The following PDZD2 variants were observed in gnomAD, a reference collection of about 807,000 sequenced individuals.
PDZD2 encodes PDZ domain containing 2, also known as PDZ domain-containing protein 2.
Under a neutral mutation model 220.7 loss-of-function variants are expected in PDZD2, and 90 were observed. The ratio of observed to expected loss-of-function variants is 0.41; its 90% CI spans 0.34 to 0.49. The LOEUF (loss-of-function observed/expected upper bound fraction) is 0.49. Among genes scored for constraint, PDZD2 ranks in the 20% least tolerant of loss-of-function variants. The probability of loss-of-function intolerance (pLI) is 0.28; values close to 1 mark genes in which losing one functional copy is unlikely to be tolerated. For missense variants in PDZD2, 3,174 were observed against 3,608.5 expected (o/e 0.88, Z 3.08); for synonymous variants, 1,375 against 1,450.5 (o/e 0.95, Z 1.18).
intron 1 of PDZD2, among the ~76,000 whole-genome samples, chr5:31,653,100 C>T (rs1307421569): frequency 6.6e-6 from 1 of 152,118 alleles, no homozygotes; most frequent in Non-Finnish European, 1.5e-5. Flanking sequence ...CTGGGATCTC[C>T]CGTGGCATAT....
At chr5:31,726,658 T>C (rs1749160479) in intron 1 of PDZD2, among the ~76,000 whole-genome samples, 1 of 152,118 alleles carries the variant, frequency 6.6e-6, no homozygotes, top group African/African-American at 2.4e-5. Context: ...TCTGGGAGGA[T>C]TGCAGGAGGA....
intron 19 of PDZD2, chr5:32,077,970 A>AAAG (rs1554038762): frequency 1.0e-5 from 2 of 196,580 alleles, no homozygotes; most frequent in African/African-American, 4.7e-5. Context: ...AAAAAAGAAA[A>AAAG]AAGAAAGAAA....
Position 32,109,371 on chromosome 5 carries a change from A to C in PDZD2, c.*1236A>C, listed in dbSNP as rs1022186397. 2 of 152,204 alleles carry C rather than the reference A, an allele frequency of 1.3e-5. No homozygotes were observed. The highest frequency in any genetic ancestry group is 6.5e-5 in the Admixed American group (1 of 15,280). The allele number at this position is 152,204 out of a possible 1,614,324, so 9.4% of individuals were successfully genotyped here. On this transcript the variant is annotated 3_prime_UTR_variant, in exon 25 of 25. Coordinates refer to ENST00000438447, the MANE Select transcript of PDZD2 (RefSeq NM_178140.4). Reference sequence around the variant, plus strand: ...TTTTGCCAAAAATGTTTTCCTACAGAAGACTGTCGTGACTCACGCTACTTG... The same window carrying C: ...TTTTGCCAAAAATGTTTTCCTACAGCAGACTGTCGTGACTCACGCTACTTG...
At chr5:31,802,077 T>G (rs1580785059) in intron 2 of PDZD2, among the ~76,000 whole-genome samples, 2 of 152,214 alleles carry the variant, frequency 1.3e-5, no homozygotes, top group African/African-American at 4.8e-5. Flanking sequence ...AGAACTGGAA[T>G]CTTTATTGAA....
At chr5:31,977,134 A>G (rs1230022190) in intron 2 of PDZD2, among the ~76,000 whole-genome samples, 2 of 151,674 alleles carry the variant, frequency 1.3e-5, no homozygotes, top group Non-Finnish European at 2.9e-5. Flanking sequence ...CTGAGATTGT[A>G]GGTGTCAGCC....
At chr5:32,027,571 C>A (rs938884945) in intron 6 of PDZD2, among the ~76,000 whole-genome samples, 3 of 152,188 alleles carry the variant, frequency 2.0e-5, no homozygotes, top group African/African-American at 7.2e-5. Context: ...CATCTGACAA[C>A]CTCTGATCTA....
intron 14 of PDZD2, among the ~76,000 whole-genome samples, chr5:32,068,332 A>G (rs1018570042): frequency 2.0e-5 from 3 of 152,146 alleles, no homozygotes; most frequent in African/African-American, 7.2e-5. Flanking sequence ...GCCAAAAACA[A>G]TTTTCGTAAT....
At chr5:32,029,756 T>G (rs1754979994) in intron 6 of PDZD2, among the ~76,000 whole-genome samples, 1 of 152,222 alleles carries the variant, frequency 6.6e-6, no homozygotes, top group Non-Finnish European at 1.5e-5. Context: ...AGACAGATAA[T>G]TCCATGTAAC....
At position 32,069,034 on chromosome 5, in the gene PDZD2, G is replaced by A. The variant is rs1004371245; in HGVS notation, c.2452-535G>A. 3.3e-5 allele frequency among the ~76,000 whole-genome samples: 5 copies of A among 152,082 alleles called. No individual in the cohort carries two copies. In the South Asian group the frequency reaches 6.2e-4, roughly 19 times the overall value. On this transcript the variant is annotated intron_variant, in intron 14 of 24. Transcript: ENST00000438447. ...TGTAATCCCAGCACTTTGGGGGGCC[G>A]AGGTGGGTGGACCACAAGGTCAGGA... is the stretch of plus-strand genomic sequence containing the variant.
intron 2 of PDZD2, among the ~76,000 whole-genome samples, chr5:31,969,755 A>G (rs1004169041): frequency 2.0e-5 from 3 of 152,148 alleles, no homozygotes; most frequent in South Asian, 2.1e-4. Context: ...GATGAATTAT[A>G]TATGTTGGAT....
intron 2 of PDZD2, among the ~76,000 whole-genome samples, chr5:31,910,516 G>A (rs1378484165): frequency 6.7e-6 from 1 of 149,766 alleles, no homozygotes; most frequent in Non-Finnish European, 1.5e-5. Context: ...TCAGCCTCCT[G>A]AGTAACTGGG....
At chr5:32,040,377 G>C (rs142466358) in intron 7 of PDZD2, among the ~76,000 whole-genome samples, 2,697 of 149,538 alleles carry the variant, frequency 0.018, 83 homozygotes, top group African/African-American at 0.064. Context: ...TCTAGGAAGT[G>C]AGGAGTGCGT....
At chr5:31,788,817 G>A (rs542069384) in intron 1 of PDZD2, among the ~76,000 whole-genome samples, 62 of 152,210 alleles carry the variant, frequency 4.1e-4, no homozygotes, top group Admixed American at 8.5e-4. Flanking sequence ...CTATGCTAAT[G>A]TATCACTGGT....
chr5:31,724,322 G>T (rs1327090671), intron 1 of PDZD2, among the ~76,000 whole-genome samples: 2 of 152,106 alleles, frequency 1.3e-5, no homozygotes, highest in African/African-American at 4.8e-5. Context: ...TCCCTAAAAG[G>T]CCGGGCGCAG....
intron 5 of PDZD2, among the ~76,000 whole-genome samples, chr5:32,007,399 A>AAAC (rs1752916284): frequency 6.6e-6 from 1 of 152,070 alleles, no homozygotes; most frequent in Non-Finnish European, 1.5e-5. Flanking sequence ...AAAAAAAAAA[A>AAAC]AACACTCTTT....
intron 2 of PDZD2, among the ~76,000 whole-genome samples, chr5:31,930,702 G>A (rs1745204160): frequency 6.6e-6 from 1 of 152,302 alleles, no homozygotes; most frequent in South Asian, 2.1e-4. Flanking sequence ...GGAGGTGAGA[G>A]TAGTCTAGAG....
chr5:32,051,956 C>T (rs1738598485), intron 8 of PDZD2, among the ~76,000 whole-genome samples: 1 of 152,128 alleles, frequency 6.6e-6, no homozygotes, highest in African/African-American at 2.4e-5. Flanking sequence ...GGGTGACTAC[C>T]AAGGGAAAGC....
At chr5:31,833,930 G>T (rs1300563777) in intron 2 of PDZD2, among the ~76,000 whole-genome samples, 1 of 152,214 alleles carries the variant, frequency 6.6e-6, no homozygotes, top group Non-Finnish European at 1.5e-5. Context: ...AGTGCAGGGT[G>T]GTTGAGAGGC....
chr5:32,020,448 A>G (rs990158407), intron 6 of PDZD2, among the ~76,000 whole-genome samples: 3 of 152,228 alleles, frequency 2.0e-5, no homozygotes, highest in Admixed American at 1.3e-4. Flanking sequence ...TGCATCATGT[A>G]TCTCAGGATA....
Sources: gnomAD v4.1 joint callset for allele counts (sites outside exome capture counted in the v4.1 genomes callset) on GRCh38, gnomAD v4.1.1 for gene constraint, MANE v1.5 for transcripts, NCBI Gene and HGNC (gene_info 2026-07-23, HGNC 2026-07-21) for gene names.